SDR16C5: variants seen among roughly 807,000 people sequenced by gnomAD.
SDR16C5 encodes short chain dehydrogenase/reductase family 16C member 5.
SDR16C5 carries 20 observed loss-of-function variants against 27.7 expected under a neutral mutation model. That is an observed-to-expected ratio of 0.72 (90% CI 0.51 to 1.05). The LOEUF (loss-of-function observed/expected upper bound fraction) is 1.05, where lower values mean the gene tolerates loss of function less well. SDR16C5 is among the 50% of genes least tolerant of loss of function. The pLI is 0.00. For synonymous variants in SDR16C5, 139 were observed against 132.3 expected (o/e 1.05, Z -0.35); for missense variants, 374 against 366.3 (o/e 1.02, Z -0.17).
intron 2 of SDR16C5, among the ~76,000 whole-genome samples, chr8:56,315,581 T>A (rs772346962): frequency 7.9e-5 from 12 of 152,148 alleles, no homozygotes; most frequent in Non-Finnish European, 1.6e-4. Flanking sequence ...TGTCTCTGTA[T>A]CTCGAGTCCT....
chr8:56,316,300 T>C lies in SDR16C5; in HGVS notation c.48A>G (p.Gly16=), dbSNP rs1218334410. 1.2e-6 allele frequency: 2 copies of C among 1,613,990 alleles called. No individual in the cohort carries two copies. Among genetic ancestry groups the C allele is most frequent in the Non-Finnish European group, 1.7e-6 (2 of 1,179,954 alleles). Reference sequence around the variant, plus strand: ...CCTCCAGAAGACTAAACAGTGATTTTCCTAAGAAAATGAACAGTTTCTTTG... The same window carrying C: ...CCTCCAGAAGACTAAACAGTGATTTCCCTAAGAAAATGAACAGTTTCTTTG... ...QSSKKLFIFL[G]KSLFSLLEAM... is the part of the protein sequence containing the mutation. Residue 16 remains glycine, a synonymous_variant, in exon 2 of 7, where the codon GGA becomes GGG. Coordinates refer to ENST00000303749, the MANE Select transcript of SDR16C5 (RefSeq NM_138969.4).
At chr8:56,314,003 T>C (rs1044110502) in intron 2 of SDR16C5, among the ~76,000 whole-genome samples, 2 of 152,060 alleles carry the variant, frequency 1.3e-5, no homozygotes, top group South Asian at 4.2e-4. Context: ...TGTCAAGAGA[T>C]GGAGACCATC....
intron 4 of SDR16C5, among the ~76,000 whole-genome samples, chr8:56,308,044 G>A (rs1316918865): frequency 6.6e-6 from 1 of 152,068 alleles, no homozygotes; most frequent in East Asian, 1.9e-4. Context: ...AGAGAGGAAG[G>A]GAAGTCCTGG....
Position 56,316,141 on chromosome 8 carries a change from G to A in SDR16C5, c.207C>T (p.Leu69=). The change falls in exon 2 of 7, where the codon CTC becomes CTT. Residue 69 remains leucine (L), a synonymous_variant. Transcript: ENST00000303749. ...QFARLGSVLV[L]WDINKEGNEE... ...CATTCCCCTCCTTATTGATATCCCA[G>A]AGAACAAGAACAGATCCCAGCCGGG... 1 of 1,614,064 alleles carries A rather than the reference G, an allele frequency of 6.2e-7. No individual in the cohort carries two copies. The highest frequency in any genetic ancestry group is 1.7e-5 in the Admixed American group (1 of 60,022).
At chr8:56,319,074 G>A (rs1165909075) in intron 1 of SDR16C5, among the ~76,000 whole-genome samples, 2 of 151,100 alleles carry the variant, frequency 1.3e-5, no homozygotes. Context: ...AAAGTTTTAA[G>A]GAGCATTATG....
At chr8:56,309,298 TAAAA>T in intron 3 of SDR16C5, 22 of 984,766 alleles carry the variant, frequency 2.2e-5, no homozygotes, top group South Asian at 1.4e-4. Context: ...GACACAATAT[TAAAA>T]CAAGAATTGA....
At chr8:56,319,756 C>T (rs1192977233) in intron 1 of SDR16C5, among the ~76,000 whole-genome samples, 1 of 152,132 alleles carries the variant, frequency 6.6e-6, no homozygotes, top group East Asian at 1.9e-4. Context: ...GAAGAGGGTC[C>T]GGGGAGGCAT....
intron 6 of SDR16C5, among the ~76,000 whole-genome samples, chr8:56,304,810 C>T (rs780419076): frequency 6.6e-6 from 1 of 152,140 alleles, no homozygotes; most frequent in South Asian, 2.1e-4. Flanking sequence ...AATCCTCCTG[C>T]CTCAGCCTCC....
At chr8:56,314,445 ATTAT>A (rs1815135750) in intron 2 of SDR16C5, among the ~76,000 whole-genome samples, 1 of 152,220 alleles carries the variant, frequency 6.6e-6, no homozygotes, top group African/African-American at 2.4e-5. Context: ...AAGGGAAGTA[ATTAT>A]TTATAGAGTG....
At chr8:56,315,983 T>A in intron 2 of SDR16C5, 32 bp downstream of exon 2, 1 of 1,464,076 alleles carries the variant, frequency 6.8e-7, no homozygotes, top group African/African-American at 1.4e-5. Context: ...GTGATGTGTA[T>A]CAAATTATAA....
chr8:56,307,669 G>A (rs1814919809), intron 4 of SDR16C5, among the ~76,000 whole-genome samples: 1 of 152,232 alleles, frequency 6.6e-6, no homozygotes, highest in South Asian at 2.1e-4. Flanking sequence ...TGGGAAGGGG[G>A]ACGAGGAGTC....
chr8:56,301,330 T>C lies in SDR16C5; in HGVS notation c.*150A>G, dbSNP rs1235008334. On this transcript the variant is annotated 3_prime_UTR_variant, in exon 7 of 7. Coordinates refer to ENST00000303749, the MANE Select transcript of SDR16C5 (RefSeq NM_138969.4). ...GATAGCAACATTATTTTCAAACACA[T>C]TGATTGAAAATTCTAGTCCAGATAA... 1.7e-6 allele frequency: 1 copy of C among 571,850 alleles called. No homozygotes were observed. Among genetic ancestry groups the C allele is most frequent in the Non-Finnish European group, 3.2e-6 (1 of 316,830 alleles). The allele number at this position is 571,850 out of a possible 1,614,324, so 35.4% of individuals were successfully genotyped here. A position where few individuals can be genotyped will look rare whatever the true frequency, so the allele number is the denominator to read the frequency against.
rs565486507 is a variant in SDR16C5 at position 56,301,319 on chromosome 8, T to A, written c.*161A>T. ...ACCAAATAGGTGATAGCAACATTAT[T>A]TTCAAACACATTGATTGAAAATTCT... On this transcript the variant is annotated 3_prime_UTR_variant, in exon 7 of 7. Transcript: ENST00000303749. The A allele has an allele frequency of 6.9e-6, 4 of 579,150 alleles. No individual in the cohort carries two copies. Among genetic ancestry groups the A allele is most frequent in the African/African-American group, 5.5e-5 (3 of 54,280 alleles). 35.9% of individuals were successfully genotyped at this position (579,150 alleles called of 1,614,324 possible). A position where few individuals can be genotyped will look rare whatever the true frequency, so the allele number is the denominator to read the frequency against.
chr8:56,305,764 C>A, intron 5 of SDR16C5, 42 bp from the exon 6 acceptor site: 2 of 1,545,692 alleles, frequency 1.3e-6, no homozygotes, highest in South Asian at 1.3e-5. Context: ...ACCCTGAAGG[C>A]CAAATTCATA....
In SDR16C5 at chr8:56,312,159, A is replaced by G; in HGVS notation, c.463T>C (p.Trp155Arg). Reference protein sequence around the residue: ...SFDVNFKAHLWTYKAFLPAMI... With the variant: ...SFDVNFKAHLRTYKAFLPAMI... ...TGATGAGAAGAAACAATTATTACCCATAAATGTGCTTTGAAATTCACATCA... is the reference window on the plus strand; with the variant it reads ...TGATGAGAAGAAACAATTATTACCCGTAAATGTGCTTTGAAATTCACATCA... The change falls in exon 3 of 7, where the codon TGG becomes CGG. Residue 155 changes from tryptophan (W) to arginine (R), a missense_variant and splice_region_variant. Trp to Arg is a moderately radical substitution (Grantham distance 101). Transcript: ENST00000303749. 1 of 1,611,228 alleles carries G rather than the reference A, an allele frequency of 6.2e-7. No individual in the cohort carries two copies. Among genetic ancestry groups the G allele is most frequent in the Non-Finnish European group, 8.5e-7 (1 of 1,177,558 alleles).
intron 3 of SDR16C5, among the ~76,000 whole-genome samples, chr8:56,310,147 GGAGGAA>G (rs1423875439): frequency 6.5e-5 from 3 of 46,382 alleles, no homozygotes; most frequent in African/African-American, 1.1e-4. Flanking sequence ...AGGAGGAGGA[GGAGGAA>G]GGAGGAGGAG....
At position 56,309,042 on chromosome 8, in the gene SDR16C5, G is replaced by T. The variant is rs769402677; in HGVS notation, c.466-15C>A. On this transcript the variant is annotated splice_polypyrimidine_tract_variant and intron_variant, in intron 3 of 6. Coordinates refer to ENST00000303749, the MANE Select transcript of SDR16C5 (RefSeq NM_138969.4). ...GCTTTATAAGTCTAAGAATACAAAG[G>T]AAAACTTTTAATGTTTAATGCCACA... The T allele has an allele frequency of 3.3e-5, 52 of 1,552,566 alleles. No individual in the cohort carries two copies. Among genetic ancestry groups the T allele is most frequent in the Non-Finnish European group, 4.3e-5 (49 of 1,139,918 alleles).
At chr8:56,315,615 A>C (rs1390632982) in intron 2 of SDR16C5, among the ~76,000 whole-genome samples, 3 of 152,162 alleles carry the variant, frequency 2.0e-5, no homozygotes, top group Non-Finnish European at 4.4e-5. Flanking sequence ...GGATGCCTCT[A>C]TCCCTCCATT....
intron 3 of SDR16C5, 29 bp downstream of exon 3, chr8:56,312,128 C>G: frequency 1.3e-6 from 2 of 1,572,186 alleles, no homozygotes; most frequent in South Asian, 2.2e-5. Flanking sequence ...AATAATTTTA[C>G]ATTTATGATG....
Sources: allele counts gnomAD v4.1 joint callset (sites outside exome capture counted in the v4.1 genomes callset), GRCh38; gene constraint gnomAD v4.1.1; transcripts MANE v1.5; gene names NCBI Gene and HGNC (gene_info 2026-07-23, HGNC 2026-07-21).